Variants in CAMKMT observed in about 807,000 individuals in gnomAD.
CAMKMT encodes CaM KMT.
Under a neutral mutation model 48.0 loss-of-function variants are expected in CAMKMT, and 53 were observed. The observed-to-expected ratio is 1.10, with a 90% CI of 0.89 to 1.39. CAMKMT has a LOEUF of 1.39. CAMKMT is among the 40% of genes most tolerant of loss of function. The pLI, the probability that CAMKMT is intolerant of heterozygous loss-of-function variation, is 0.00. For missense variants in CAMKMT, 428 were observed against 402.7 expected, an observed-to-expected ratio of 1.06 and a Z score of -0.54; for synonymous variants, 165 against 152.3, an observed-to-expected ratio of 1.08 and a Z score of -0.61.
intron 9 of CAMKMT, among the ~76,000 whole-genome samples, chr2:44,764,733 T>C (rs1044625897): frequency 1.3e-5 from 2 of 152,208 alleles, no homozygotes; most frequent in Non-Finnish European, 2.9e-5. Context: ...ATGTCTACTG[T>C]ACAGGTTGTT....
At chr2:44,401,968 T>G (rs1281849471) in intron 3 of CAMKMT, among the ~76,000 whole-genome samples, 2 of 152,184 alleles carry the variant, frequency 1.3e-5, no homozygotes, top group African/African-American at 4.8e-5. Context: ...TAAACTCCAG[T>G]AGCTTCCTGA....
intron 3 of CAMKMT, among the ~76,000 whole-genome samples, chr2:44,590,484 G>C (rs1171321934): frequency 6.6e-6 from 1 of 152,128 alleles, no homozygotes; most frequent in African/African-American, 2.4e-5. Flanking sequence ...TTGTGGTTTT[G>C]ATTTGCATTT....
chr2:44,744,138 A>T (rs1413436220), intron 8 of CAMKMT, among the ~76,000 whole-genome samples: 1 of 152,206 alleles, frequency 6.6e-6, no homozygotes, highest in Admixed American at 6.5e-5. Flanking sequence ...ACTCTCTAGC[A>T]AATAAACATA....
chr2:44,436,574 T>G (rs184913380), intron 3 of CAMKMT, among the ~76,000 whole-genome samples: 3 of 149,992 alleles, frequency 2.0e-5, no homozygotes, highest in Admixed American at 1.3e-4. Flanking sequence ...TATTTTTAAT[T>G]TTTTTTTTTT....
At chr2:44,656,323 T>C (rs1269446189) in intron 3 of CAMKMT, among the ~76,000 whole-genome samples, 1 of 152,196 alleles carries the variant, frequency 6.6e-6, no homozygotes, top group East Asian at 1.9e-4. Context: ...ATTTAAATCC[T>C]GTGAGAAACT....
intron 3 of CAMKMT, among the ~76,000 whole-genome samples, chr2:44,428,492 G>A: frequency 6.6e-6 from 1 of 152,220 alleles, no homozygotes. Context: ...TAGGAAAGCG[G>A]AGATGTGAAG....
intron 8 of CAMKMT, 72 bp from the exon 9 acceptor site, chr2:44,753,983 A>T: frequency 9.4e-7 from 1 of 1,059,048 alleles, no homozygotes; most frequent in Non-Finnish European, 1.5e-6. Flanking sequence ...TTAGCCTTGT[A>T]CTTATCTCCA....
At chr2:44,748,904 T>A (rs761093025) in intron 8 of CAMKMT, among the ~76,000 whole-genome samples, 3 of 152,144 alleles carry the variant, frequency 2.0e-5, no homozygotes, top group Non-Finnish European at 4.4e-5. Context: ...AAGACATACT[T>A]ATAGTTTGAT....
At chr2:44,367,073 G>A (rs1678673626) in intron 1 of CAMKMT, among the ~76,000 whole-genome samples, 1 of 152,086 alleles carries the variant, frequency 6.6e-6, no homozygotes, top group Non-Finnish European at 1.5e-5. Flanking sequence ...CGCATGTAAA[G>A]GATAAGGTTT....
In CAMKMT at chr2:44,576,688, G is replaced by A. The variant is rs1407822261; in HGVS notation, c.377-127595G>A. On this transcript the variant is annotated intron_variant, in intron 3 of 10. Coordinates refer to ENST00000378494, the MANE Select transcript of CAMKMT (RefSeq NM_024766.5). ...ACAGTGTGGTTGGTGAGATTATTCA[G>A]GTCTGAGGAGTGGCATGTTAGGATT... Among the ~76,000 whole-genome samples, 5 of 152,304 alleles carry A rather than the reference G, an allele frequency of 3.3e-5. No individual in the cohort carries two copies. In the South Asian group the frequency reaches 6.2e-4, roughly 19 times the overall value.
At chr2:44,535,509 A>G (rs1421287654) in intron 3 of CAMKMT, among the ~76,000 whole-genome samples, 1 of 152,204 alleles carries the variant, frequency 6.6e-6, no homozygotes, top group East Asian at 1.9e-4. Context: ...AACAAACTGA[A>G]TTCTACAGCA....
At chr2:44,441,022 C>T (rs940880904) in intron 3 of CAMKMT, among the ~76,000 whole-genome samples, 10 of 152,116 alleles carry the variant, frequency 6.6e-5, no homozygotes, top group Non-Finnish European at 7.4e-5. Flanking sequence ...CTACTTTGTG[C>T]TTACCTGGCC....
At position 44,653,311 on chromosome 2, in the gene CAMKMT, G is replaced by T. The variant is rs534149302; in HGVS notation, c.377-50972G>T. Among the ~76,000 whole-genome samples, 2 of 152,314 alleles carry T rather than the reference G, an allele frequency of 1.3e-5. No individual in the cohort carries two copies. The highest frequency in any genetic ancestry group is 2.1e-4 in the South Asian group (1 of 4,820). On this transcript the variant is annotated intron_variant, in intron 3 of 10. Transcript: ENST00000378494. This position sits in a 1 kb window ranked among gnomAD's most constrained non-coding sequence, Gnocchi z 5.2. ...TGTTGTTGGCTAAGTACTATTCATT[G>T]TCATTTCAACCAGATAAGTAATAAG...
intron 3 of CAMKMT, among the ~76,000 whole-genome samples, chr2:44,671,014 C>T (rs1443125606): frequency 2.0e-5 from 3 of 152,164 alleles, no homozygotes; most frequent in Admixed American, 2.0e-4. Context: ...AGCTAGTTGC[C>T]TAAGGAATGC....
At chr2:44,754,208 A>G (rs1338397499) in intron 9 of CAMKMT, 90 bp downstream of exon 9, 3 of 953,912 alleles carry the variant, frequency 3.1e-6, no homozygotes, top group African/African-American at 1.6e-5. Flanking sequence ...TGGCAGGATT[A>G]ATGTCATGTA....
chr2:44,363,797 C>T (rs909085048), intron 1 of CAMKMT, among the ~76,000 whole-genome samples: 1 of 150,072 alleles, frequency 6.7e-6, no homozygotes, highest in African/African-American at 2.4e-5. Context: ...TCAAGCAATT[C>T]TCCCGTACTC....
At chr2:44,587,421 T>A (rs1669916999) in intron 3 of CAMKMT, among the ~76,000 whole-genome samples, 1 of 151,818 alleles carries the variant, frequency 6.6e-6, no homozygotes, top group African/African-American at 2.4e-5. Context: ...ATTTAAAAAA[T>A]TTTTAGCTCT....
Position 44,668,789 on chromosome 2 carries a change from C to CT in CAMKMT, c.377-35484dup, listed in dbSNP as rs1032531193. ...TACTTGCTTTTCTTTTTTCTTTTTT[C>CT]TTTTTTTTTTGAGACAGAGTCTCAC... On this transcript the variant is annotated intron_variant, in intron 3 of 10. Coordinates refer to ENST00000378494, the MANE Select transcript of CAMKMT (RefSeq NM_024766.5). Among the ~76,000 whole-genome samples the CT allele has an allele frequency of 4.9e-3, 722 of 148,334 alleles. 1 individual carries two copies. The highest frequency in any genetic ancestry group is 0.02 in the East Asian group (101 of 5,090).
intron 3 of CAMKMT, among the ~76,000 whole-genome samples, chr2:44,449,948 A>G (rs941587717): frequency 1.3e-5 from 2 of 152,158 alleles, no homozygotes; most frequent in African/African-American, 4.8e-5. Context: ...AAGTTAAAGT[A>G]TAGTAATTTT....
Sources: gnomAD v4.1 joint callset for allele counts (sites outside exome capture counted in the v4.1 genomes callset) on GRCh38, gnomAD v4.1.1 for gene constraint, Gnocchi (gnomAD v3.1) non-coding constraint, MANE v1.5 for transcripts, NCBI Gene and HGNC (gene_info 2026-07-23, HGNC 2026-07-21) for gene names.